Variants in ANK3 observed in about 807,000 individuals in gnomAD.
ANK3 encodes the protein ankyrin 3, also known as ankyrin-3.
Under a neutral mutation model 370.9 loss-of-function variants are expected in ANK3, and 57 were observed. The ratio of observed to expected loss-of-function variants is 0.15; its 90% CI spans 0.12 to 0.19. The LOEUF is 0.19. Among genes scored for constraint, ANK3 ranks in the 10% least tolerant of loss-of-function variants. The probability of loss-of-function intolerance (pLI) is 1.00; values close to 1 mark genes in which losing one functional copy is unlikely to be tolerated. For missense variants in ANK3, 4,439 were observed against 5,302.1 expected, an observed-to-expected ratio of 0.84 and a Z score of 5.06; for synonymous variants, 1,929 against 1,946.3, an observed-to-expected ratio of 0.99 and a Z score of 0.23.
chr10:60,705,139 T>C (rs2079597372), intron 1 of ANK3, among the ~76,000 whole-genome samples: 1 of 152,190 alleles, frequency 6.6e-6, no homozygotes. Flanking sequence ...AGGCTGAGAT[T>C]TCTCAGAATT....
chr10:60,649,683 A>T (rs753795947), intron 1 of ANK3, among the ~76,000 whole-genome samples: 1 of 152,224 alleles, frequency 6.6e-6, no homozygotes, highest in Non-Finnish European at 1.5e-5. Flanking sequence ...AAGGTGCCTT[A>T]GGAGAGAGCT....
intron 7 of ANK3, among the ~76,000 whole-genome samples, chr10:60,241,033 G>T (rs2097448762): frequency 6.6e-6 from 1 of 152,132 alleles, no homozygotes; most frequent in African/African-American, 2.4e-5. Flanking sequence ...CCTATTTGCA[G>T]CCCACTACCA....
chr10:60,186,228 G>A (rs1319737869), intron 17 of ANK3, among the ~76,000 whole-genome samples: 2 of 149,914 alleles, frequency 1.3e-5, no homozygotes, highest in Admixed American at 6.6e-5. Context: ...AAAACTTTAT[G>A]TTACTACAAA....
intron 2 of ANK3, among the ~76,000 whole-genome samples, chr10:60,501,460 T>C (rs894450366): frequency 7.2e-5 from 11 of 152,046 alleles, no homozygotes; most frequent in African/African-American, 2.2e-4. Flanking sequence ...ATCTCAGCAT[T>C]TTAGGAGGCC....
At chr10:60,442,839 TA>T (rs918287212) in intron 2 of ANK3, among the ~76,000 whole-genome samples, 1 of 152,148 alleles carries the variant, frequency 6.6e-6, no homozygotes, top group Non-Finnish European at 1.5e-5. Flanking sequence ...ATTTGACAGA[TA>T]AAAAAATTAA....
intron 1 of ANK3, among the ~76,000 whole-genome samples, chr10:60,625,050 G>A (rs1409159896): frequency 2.6e-5 from 4 of 152,148 alleles, no homozygotes; most frequent in East Asian, 1.9e-4. Context: ...AACAGAACAC[G>A]TACCCACCAT....
At chr10:60,549,146 C>T (rs906821144) in intron 2 of ANK3, among the ~76,000 whole-genome samples, 17 of 139,168 alleles carry the variant, frequency 1.2e-4, no homozygotes, top group Non-Finnish European at 2.0e-4. Flanking sequence ...TTCATACACA[C>T]ACACACACAC....
In ANK3 at chr10:60,073,468, T is replaced by C; in HGVS notation, c.7413A>G (p.Glu2471=). ...YRFAEKMLLS[E]KLDVSHSDTE... is the part of the protein sequence containing the mutation. ...TATCAGAATGAGACACATCTAGCTT[T>C]TCTGACAGAAGCATTTTCTCAGCAA... Residue 2471 remains glutamate, a synonymous_variant, in exon 37 of 44, where the codon GAA becomes GAG. Coordinates refer to ENST00000280772, the MANE Select transcript of ANK3 (RefSeq NM_020987.5). 1 of 1,614,086 alleles carries C rather than the reference T, an allele frequency of 6.2e-7. No individual in the cohort carries two copies. Among genetic ancestry groups the C allele is most frequent in the South Asian group, 1.1e-5 (1 of 91,078 alleles).
chr10:60,528,872 T>A (rs1189950256), intron 2 of ANK3, among the ~76,000 whole-genome samples: 2 of 152,140 alleles, frequency 1.3e-5, no homozygotes, highest in Non-Finnish European at 2.9e-5. Flanking sequence ...TCAGTACAGA[T>A]GCTGAGTTTT....
chr10:60,326,501 C>T (rs114655713), intron 1 of ANK3, among the ~76,000 whole-genome samples: 3,420 of 151,950 alleles, frequency 0.023, 111 homozygotes, highest in African/African-American at 0.077. Flanking sequence ...TTTCATACCA[C>T]GTCTAAATAT....
chr10:60,308,082 T>C (rs185760871), intron 1 of ANK3, among the ~76,000 whole-genome samples: 19 of 152,310 alleles, frequency 1.2e-4, no homozygotes, highest in East Asian at 9.6e-4. Context: ...AAGCAGCTCA[T>C]TGAGCCTGTA....
intron 1 of ANK3, among the ~76,000 whole-genome samples, chr10:60,377,652 A>G (rs1594765687): frequency 6.6e-6 from 1 of 152,216 alleles, no homozygotes; most frequent in Admixed American, 6.5e-5. Flanking sequence ...AGTAATAAAA[A>G]TGAAAGTAAA....
In ANK3 at chr10:60,548,169, T is replaced by G. The variant is rs146579787; in HGVS notation, c.96+67017A>C. On this transcript the variant is annotated intron_variant, in intron 2 of 43. Transcript: ENST00000373827. ...AAAATATCAAAATACCTGTCTTATA[T>G]AATCAAATGAATTTCAAACCCATTT... Among the ~76,000 whole-genome samples the G allele has an allele frequency of 5.9e-3, 896 of 150,948 alleles. 13 individuals are homozygous for G. Among genetic ancestry groups the G allele is most frequent in the African/African-American group, 0.02 (831 of 41,204 alleles).
intron 2 of ANK3, among the ~76,000 whole-genome samples, chr10:60,458,369 G>A (rs1391778510): frequency 6.6e-6 from 1 of 152,066 alleles, no homozygotes; most frequent in African/African-American, 2.4e-5. Flanking sequence ...ACATCTCTTA[G>A]GGAGGGTCCT....
chr10:60,071,885 A>G lies in ANK3; in HGVS notation c.8996T>C (p.Met2999Thr), dbSNP rs865876565. Residue 2999 changes from methionine (M) to threonine (T), a missense_variant, in exon 37 of 44, where the codon ATG becomes ACG. Met to Thr is a moderately conservative substitution (Grantham distance 81). Coordinates refer to ENST00000280772, the MANE Select transcript of ANK3 (RefSeq NM_020987.5). ...ELSQKLSQSS[M>T]SKETVETQHF... is the part of the protein sequence containing the mutation. ...CTGTGTCTCAACTGTCTCTTTACTC[A>G]TGCTTGACTGGGACAATTTTTGTGA... The G allele has an allele frequency of 3.7e-6, 6 of 1,613,970 alleles. No individual in the cohort carries two copies. Among genetic ancestry groups the G allele is most frequent in the African/African-American group, 1.3e-5 (1 of 74,918 alleles).
intron 25 of ANK3, among the ~76,000 whole-genome samples, chr10:60,131,926 C>T (rs1237053372): frequency 3.9e-5 from 6 of 152,152 alleles, no homozygotes; most frequent in Admixed American, 3.9e-4. Flanking sequence ...CTGGCACATG[C>T]TTTCTACATT....
In ANK3 at chr10:60,481,375, C is replaced by T. The variant is rs141795600; in HGVS notation, c.96+133811G>A. Among the ~76,000 whole-genome samples the T allele has an allele frequency of 2.0e-3, 312 of 152,196 alleles. 2 individuals carry two copies. The highest frequency in any genetic ancestry group is 7.2e-3 in the African/African-American group (300 of 41,540). On this transcript the variant is annotated intron_variant, in intron 2 of 43. Coordinates refer to the ANK3 transcript ENST00000373827. ...CATGACTAATATCCAGGCCTTTAGCCAAAGCCAGCCTTACATTCTGCTGCC... is the reference window on the plus strand; with the variant it reads ...CATGACTAATATCCAGGCCTTTAGCTAAAGCCAGCCTTACATTCTGCTGCC...
At chr10:60,392,852 C>T (rs980172202), upstream of ANK3, among the ~76,000 whole-genome samples, 5 of 152,012 alleles carry the variant, frequency 3.3e-5, no homozygotes, top group African/African-American at 9.7e-5. Context: ...TCACTTGAAC[C>T]TGGGAGGCGG....
At chr10:60,495,622 G>A (rs2075634184) in intron 2 of ANK3, among the ~76,000 whole-genome samples, 1 of 152,160 alleles carries the variant, frequency 6.6e-6, no homozygotes, top group African/African-American at 2.4e-5. Flanking sequence ...ACAATGTTAT[G>A]AGAACAGCCT....
Sources: allele counts gnomAD v4.1 joint callset (sites outside exome capture counted in the v4.1 genomes callset), GRCh38; gene constraint gnomAD v4.1.1; transcripts MANE v1.5; gene names NCBI Gene and HGNC (gene_info 2026-07-23, HGNC 2026-07-21).